Variants in DPF3 observed in about 807,000 individuals in gnomAD.
DPF3 encodes the protein double PHD fingers 3.
A neutral mutation model predicts 56.8 loss-of-function variants in DPF3; 18 were observed. The observed-to-expected ratio is 0.32, with a 90% CI of 0.22 to 0.47. The LOEUF is 0.47. DPF3 is among the 20% of genes least tolerant of loss of function. The probability of loss-of-function intolerance (pLI) is 1.00; values close to 1 mark genes in which losing one functional copy is unlikely to be tolerated. For synonymous variants in DPF3, 188 were observed against 180.2 expected (o/e 1.04, Z -0.35); for missense variants, 403 against 488.8 (o/e 0.82, Z 1.65).
rs529915297 is a variant in DPF3 at position 72,743,299 on chromosome 14, C to T, written c.301+9965G>A. Among the ~76,000 whole-genome samples the T allele has an allele frequency of 9.9e-5, 15 of 152,174 alleles. 1 individual carries two copies. In the East Asian group the frequency reaches 2.9e-3, roughly 30 times the overall value. ...GCGTCAACTGTAAAGCCCTTTTCATCTGCGGGTCCAGGATAAGTGAGTGTG... is the reference window on the plus strand; with the variant it reads ...GCGTCAACTGTAAAGCCCTTTTCATTTGCGGGTCCAGGATAAGTGAGTGTG... On this transcript the variant is annotated intron_variant, in intron 3 of 10. Coordinates refer to ENST00000556509, the MANE Select transcript of DPF3 (RefSeq NM_001280542.3).
chr14:72,714,463 G>A lies in DPF3; in HGVS notation c.564C>T (p.Ala188=), dbSNP rs375940823. Residue 188 remains alanine (A), a synonymous_variant, in exon 6 of 11, where the codon GCC becomes GCT. Coordinates refer to ENST00000556509, the MANE Select transcript of DPF3 (RefSeq NM_001280542.3). Reference sequence around the variant, plus strand: ...GTTTGTCGTGGTCTTCCTGAGAGGCGGCGTCGTGCCTCCTCCTGCCCCCTG... The same window carrying A: ...GTTTGTCGTGGTCTTCCTGAGAGGCAGCGTCGTGCCTCCTCCTGCCCCCTG... ...GSAGGRRRHD[A]ASQEDHDKPY... The A allele has an allele frequency of 2.0e-4, 323 of 1,613,688 alleles. 1 individual carries two copies. The African/African-American group carries it at 2.6e-3, about 13-fold the overall frequency.
chr14:72,849,753 T>C (rs1884899728), intron 1 of DPF3, among the ~76,000 whole-genome samples: 1 of 152,182 alleles, frequency 6.6e-6, no homozygotes, highest in Non-Finnish European at 1.5e-5. Context: ...CTCATAAATC[T>C]AGGGCTGTGA....
intron 6 of DPF3, among the ~76,000 whole-genome samples, chr14:72,707,575 A>G (rs1888458121): frequency 6.6e-6 from 1 of 152,218 alleles, no homozygotes; most frequent in Non-Finnish European, 1.5e-5. Context: ...ACTATGTCAT[A>G]AAATCTATTT....
At chr14:72,894,033 T>C in intron 1 of DPF3, 24 bp downstream of exon 1, 1 of 1,609,730 alleles carries the variant, frequency 6.2e-7, no homozygotes, top group African/African-American at 1.3e-5. Flanking sequence ...ACGCGGAATA[T>C]GTACATTTTT....
chr14:72,831,159 G>C (rs1449718096), intron 1 of DPF3, among the ~76,000 whole-genome samples: 1 of 152,124 alleles, frequency 6.6e-6, no homozygotes, highest in African/African-American at 2.4e-5. Context: ...AGGGCGTTGG[G>C]GGAAGCAAGG....
rs117865949 is a variant in DPF3 at position 72,651,974 on chromosome 14, C to T, written c.872-22238G>A. ...AGGACTCACAGCCAGGATGGGTTCT[C>T]CCTGGGGCTGGCACGACTCTGTCAC... is the stretch of plus-strand genomic sequence containing the variant. On this transcript the variant is annotated intron_variant, in intron 8 of 10. Coordinates refer to ENST00000556509, the MANE Select transcript of DPF3 (RefSeq NM_001280542.3). Among the ~76,000 whole-genome samples the T allele has an allele frequency of 9.3e-3, 1,417 of 152,324 alleles. 13 individuals carry two copies. The highest frequency in any genetic ancestry group is 0.051 in the Middle Eastern group (15 of 292).
At chr14:72,654,727 G>C (rs1363755530) in intron 8 of DPF3, among the ~76,000 whole-genome samples, 1 of 152,110 alleles carries the variant, frequency 6.6e-6, no homozygotes, top group Non-Finnish European at 1.5e-5. Flanking sequence ...TGCATAGAAA[G>C]TAACCCCCAA....
intron 7 of DPF3, among the ~76,000 whole-genome samples, chr14:72,686,102 C>A (rs1189205904): frequency 6.6e-6 from 1 of 152,190 alleles, no homozygotes; most frequent in African/African-American, 2.4e-5. Flanking sequence ...TCATAATGAG[C>A]CTGTTCAGAA....
At chr14:72,817,171 C>T (rs975034343) in intron 1 of DPF3, among the ~76,000 whole-genome samples, 4 of 152,228 alleles carry the variant, frequency 2.6e-5, no homozygotes, top group Non-Finnish European at 5.9e-5. Flanking sequence ...TCCAGCTTGT[C>T]TCCCATGACT....
At chr14:72,868,239 C>A (rs549963148) in intron 1 of DPF3, among the ~76,000 whole-genome samples, 15 of 152,248 alleles carry the variant, frequency 9.9e-5, no homozygotes, top group African/African-American at 3.6e-4. Flanking sequence ...ACCTGGGAGT[C>A]AGACATCTCT....
At chr14:72,663,729 G>A (rs1886324970) in intron 8 of DPF3, among the ~76,000 whole-genome samples, 1 of 152,170 alleles carries the variant, frequency 6.6e-6, no homozygotes, top group Non-Finnish European at 1.5e-5. Flanking sequence ...ACATTAAGCT[G>A]AGCGATAAGG....
intron 1 of DPF3, among the ~76,000 whole-genome samples, chr14:72,886,905 C>G (rs755817284): frequency 6.6e-6 from 1 of 152,138 alleles, no homozygotes; most frequent in Non-Finnish European, 1.5e-5. Context: ...TGCTGGGCAC[C>G]TCCATTTCCT....
intron 1 of DPF3, among the ~76,000 whole-genome samples, chr14:72,878,692 T>C (rs955168902): frequency 2.6e-5 from 4 of 152,224 alleles, no homozygotes; most frequent in Non-Finnish European, 4.4e-5. Flanking sequence ...TGGCTATCCA[T>C]AAGCCAGAGG....
chr14:72,821,716 T>A (rs1027053900), intron 1 of DPF3, among the ~76,000 whole-genome samples: 8 of 152,052 alleles, frequency 5.3e-5, no homozygotes, highest in African/African-American at 1.9e-4. Context: ...TCAAGAGAGG[T>A]GAAATTAGGC....
intron 1 of DPF3, among the ~76,000 whole-genome samples, chr14:72,865,864 T>C (rs1413180564): frequency 6.6e-6 from 1 of 151,946 alleles, no homozygotes; most frequent in Admixed American, 6.6e-5. Context: ...CTGGCCAACA[T>C]GATGAAACCC....
chr14:72,798,997 G>A (rs890499302), intron 1 of DPF3, among the ~76,000 whole-genome samples: 10 of 152,170 alleles, frequency 6.6e-5, no homozygotes, highest in African/African-American at 2.4e-4. Flanking sequence ...TGTGCAGGAG[G>A]CAGCAGAAGG....
At position 72,615,784 on chromosome 14, in the gene DPF3, A is replaced by G. The variant is rs921756308; in HGVS notation, c.*3513T>C. Reference sequence around the variant, plus strand: ...GTTCCAAAGGAAAGCCAGAATGTCAATCTCCTAGCAGGAGCCCTGTTTCTA... The same window carrying G: ...GTTCCAAAGGAAAGCCAGAATGTCAGTCTCCTAGCAGGAGCCCTGTTTCTA... On this transcript the variant is annotated 3_prime_UTR_variant, in exon 11 of 11. Coordinates refer to ENST00000556509, the MANE Select transcript of DPF3 (RefSeq NM_001280542.3). Among the ~76,000 whole-genome samples the G allele has an allele frequency of 3.3e-5, 5 of 152,236 alleles. No homozygotes were observed. Among genetic ancestry groups the G allele is most frequent in the Admixed American group, 2.0e-4 (3 of 15,284 alleles).
chr14:72,672,070 C>T (rs1331198400), intron 8 of DPF3, among the ~76,000 whole-genome samples: 4 of 151,970 alleles, frequency 2.6e-5, no homozygotes, highest in South Asian at 2.1e-4. Context: ...GACACACACA[C>T]ACACACACAC....
intron 1 of DPF3, among the ~76,000 whole-genome samples, chr14:72,861,739 G>A (rs867885500): frequency 4.4e-5 from 4 of 91,788 alleles, no homozygotes; most frequent in Non-Finnish European, 7.0e-5. Flanking sequence ...GAAAGAAAGA[G>A]AAAGAAAGAA....
Sources: allele counts gnomAD v4.1 joint callset (sites outside exome capture counted in the v4.1 genomes callset), GRCh38; gene constraint gnomAD v4.1.1; transcripts MANE v1.5; gene names NCBI Gene and HGNC (gene_info 2026-07-23, HGNC 2026-07-21).